The following WDR19 variants were observed in gnomAD, a reference collection of about 807,000 sequenced individuals.
WDR19 encodes the protein WD repeat domain 19.
Under a neutral mutation model 180.0 loss-of-function variants are expected in WDR19, and 121 were observed. That is an observed-to-expected ratio of 0.67 (90% CI 0.58 to 0.78). The LOEUF (loss-of-function observed/expected upper bound fraction) is 0.78, where lower values mean the gene tolerates loss of function less well. WDR19 is among the 30% of genes least tolerant of loss of function. The pLI, the probability that WDR19 is intolerant of heterozygous loss-of-function variation, is 0.00. For missense variants in WDR19, 1,450 were observed against 1,640.7 expected, an observed-to-expected ratio of 0.88 and a Z score of 2.01; for synonymous variants, 497 against 540.7, an observed-to-expected ratio of 0.92 and a Z score of 1.12.
At chr4:39,244,925 CT>C (rs11356985) in intron 23 of WDR19, among the ~76,000 whole-genome samples, 14,228 of 133,746 alleles carry the variant, frequency 0.11, 1,556 homozygotes, top group African/African-American at 0.29. Context: ...GATTTTCTTT[CT>C]TTTTTTTTTT....
chr4:39,272,525 C>T (rs1469657989), intron 31 of WDR19, among the ~76,000 whole-genome samples: 1 of 152,238 alleles, frequency 6.6e-6, no homozygotes, highest in Non-Finnish European at 1.5e-5. Context: ...ACGCACCCCT[C>T]GATGTGTCAC....
rs369571548 is a variant in WDR19 at position 39,277,003 on chromosome 4, A to G, written c.3717-17A>G. ...GAATAAAACGGCATTTTTAAATGAC[A>G]TGATTCTTCCTCACAGGAGACCCGA... is the stretch of plus-strand genomic sequence containing the variant. On this transcript the variant is annotated splice_polypyrimidine_tract_variant and intron_variant, in intron 33 of 36. Coordinates refer to ENST00000399820, the MANE Select transcript of WDR19 (RefSeq NM_025132.4). The G allele has an allele frequency of 2.0e-5, 33 of 1,610,570 alleles. No homozygotes were observed. Among genetic ancestry groups the G allele is most frequent in the Non-Finnish European group, 2.8e-5 (33 of 1,179,118 alleles).
chr4:39,224,570 G>A (rs1730039895), intron 14 of WDR19, among the ~76,000 whole-genome samples: 1 of 151,902 alleles, frequency 6.6e-6, no homozygotes, highest in Admixed American at 6.6e-5. Context: ...TAGTAGAGAT[G>A]GAGTTTCACC....
intron 5 of WDR19, among the ~76,000 whole-genome samples, chr4:39,195,321 C>G (rs1726615062): frequency 6.7e-6 from 1 of 149,372 alleles, no homozygotes; most frequent in East Asian, 2.0e-4. Flanking sequence ...GAGCAGAGAT[C>G]GCGCCACTGC....
At chr4:39,200,356 G>A (rs1402853678) in intron 6 of WDR19, among the ~76,000 whole-genome samples, 1 of 152,164 alleles carries the variant, frequency 6.6e-6, no homozygotes, top group African/African-American at 2.4e-5. Context: ...TGTGGATGAG[G>A]AATTTAGATG....
At chr4:39,251,561 A>G (rs1274586453) in intron 24 of WDR19, among the ~76,000 whole-genome samples, 2 of 152,226 alleles carry the variant, frequency 1.3e-5, no homozygotes, top group East Asian at 3.8e-4. Context: ...AACCAACATC[A>G]GAGTGAACAG....
In WDR19 at chr4:39,284,888, C is replaced by T. The variant is rs141990262; in HGVS notation, c.*14-599C>T. On this transcript the variant is annotated intron_variant, in intron 36 of 36. Coordinates refer to ENST00000399820, the MANE Select transcript of WDR19 (RefSeq NM_025132.4). Reference sequence around the variant, plus strand: ...TGAGTTATGATTATGCACTATCCTTCAGAAACGTCACTATAGCCAGGCGCA... The same window carrying T: ...TGAGTTATGATTATGCACTATCCTTTAGAAACGTCACTATAGCCAGGCGCA... Among the ~76,000 whole-genome samples, 10 of 152,204 alleles carry T rather than the reference C, an allele frequency of 6.6e-5. No individual in the cohort carries two copies. In the East Asian group the frequency reaches 1.9e-3, roughly 29 times the overall value.
At chr4:39,242,749 C>T (rs977166820) in intron 21 of WDR19, among the ~76,000 whole-genome samples, 1 of 152,134 alleles carries the variant, frequency 6.6e-6, no homozygotes, top group African/African-American at 2.4e-5. Context: ...CTCACTGCAA[C>T]CTTTACCTCT....
chr4:39,284,572 C>T (rs572061472), intron 36 of WDR19, among the ~76,000 whole-genome samples: 23 of 145,900 alleles, frequency 1.6e-4, no homozygotes, highest in Non-Finnish European at 2.7e-4. Flanking sequence ...CTCCTGGACT[C>T]AAGTGATCCT....
intron 36 of WDR19, among the ~76,000 whole-genome samples, chr4:39,279,444 T>A (rs1249052010): frequency 6.6e-6 from 1 of 152,198 alleles, no homozygotes; most frequent in Non-Finnish European, 1.5e-5. Context: ...GTATATCTGG[T>A]TCGTGGTTCT....
chr4:39,244,641 T>C, intron 23 of WDR19, 89 bp downstream of exon 23: 1 of 1,400,396 alleles, frequency 7.1e-7, no homozygotes. Context: ...CCATGCTTTC[T>C]CTCTGTCCAT....
intron 9 of WDR19, among the ~76,000 whole-genome samples, chr4:39,210,957 C>T (rs548012383): frequency 6.8e-4 from 103 of 152,040 alleles, no homozygotes; most frequent in Middle Eastern, 3.4e-3. Flanking sequence ...GGCAATATGG[C>T]GAGACCCCAT....
intron 9 of WDR19, among the ~76,000 whole-genome samples, chr4:39,208,174 A>G (rs1193751803): frequency 6.6e-6 from 1 of 152,202 alleles, no homozygotes; most frequent in African/African-American, 2.4e-5. Flanking sequence ...AAACAAAGGA[A>G]AGAAACAGGA....
intron 9 of WDR19, among the ~76,000 whole-genome samples, chr4:39,208,714 G>A (rs1728202239): frequency 6.6e-6 from 1 of 152,142 alleles, no homozygotes; most frequent in South Asian, 2.1e-4. Context: ...ATGCTAACCA[G>A]AAGATAGCTA....
chr4:39,222,462 G>A (rs1476686704), intron 14 of WDR19, among the ~76,000 whole-genome samples: 4 of 151,698 alleles, frequency 2.6e-5, no homozygotes, highest in Non-Finnish European at 5.9e-5. Context: ...TCATGCTTTT[G>A]GTGTCATAGC....
chr4:39,261,319 T>C (rs1415877822), intron 28 of WDR19, among the ~76,000 whole-genome samples: 1 of 152,024 alleles, frequency 6.6e-6, no homozygotes, highest in African/African-American at 2.4e-5. Context: ...GTGTTAAGAT[T>C]GATTATTGGG....
At chr4:39,232,330 G>GAA in intron 19 of WDR19, 58 bp downstream of exon 19, 2 of 1,317,920 alleles carry the variant, frequency 1.5e-6, no homozygotes, top group South Asian at 1.4e-5. Flanking sequence ...GGAAATGGGG[G>GAA]AAAAAAAAAT....
At position 39,266,811 on chromosome 4, in the gene WDR19, C is replaced by T. The variant is rs991046820; in HGVS notation, c.3261+671C>T. On this transcript the variant is annotated intron_variant, in intron 29 of 36. Transcript: ENST00000399820. ...AAAATAGAAATAAATTGGCCAGGCG[C>T]GGTGTCTCATGCCTGTAATCCCAGC... Among the ~76,000 whole-genome samples the T allele has an allele frequency of 1.4e-4, 22 of 152,284 alleles. No individual in the cohort carries two copies. The East Asian group carries it at 2.5e-3, about 17-fold the overall frequency.
At chr4:39,272,724 G>T (rs1735487154) in intron 31 of WDR19, among the ~76,000 whole-genome samples, 1 of 152,208 alleles carries the variant, frequency 6.6e-6, no homozygotes, top group Admixed American at 6.5e-5. Flanking sequence ...GAGATAGACT[G>T]GGGATTTGAA....
Sources: gnomAD v4.1 joint callset for allele counts (sites outside exome capture counted in the v4.1 genomes callset) on GRCh38, gnomAD v4.1.1 for gene constraint, MANE v1.5 for transcripts, NCBI Gene and HGNC (gene_info 2026-07-23, HGNC 2026-07-21) for gene names.